The following PARD3 variants were observed in gnomAD, a reference collection of about 807,000 sequenced individuals.
PARD3 encodes the protein partitioning defective 3 homolog.
A neutral mutation model predicts 155.4 loss-of-function variants in PARD3; 75 were observed. The observed-to-expected ratio is 0.48, with a 90% CI of 0.40 to 0.58. The LOEUF (loss-of-function observed/expected upper bound fraction) is 0.58. PARD3 is among the 20% of genes least tolerant of loss of function. The pLI, the probability that PARD3 is intolerant of heterozygous loss-of-function variation, is 0.00. For missense variants in PARD3, 1,642 were observed against 1,721.7 expected (o/e 0.95, Z 0.82); for synonymous variants, 576 against 610.5 (o/e 0.94, Z 0.83).
intron 12 of PARD3, among the ~76,000 whole-genome samples, chr10:34,371,486 C>CAAAAAAAAAAAAAAAAAA (rs968034029): frequency 4.4e-5 from 1 of 22,752 alleles, no homozygotes; most frequent in Non-Finnish European, 8.5e-5. Context: ...ATTCTAGACT[C>CAAAAAAAAAAAAAAAAAA]AAAAAAAAAA....
chr10:34,785,735 A>G (rs866791680), intron 1 of PARD3, among the ~76,000 whole-genome samples: 22 of 152,320 alleles, frequency 1.4e-4, no homozygotes, highest in Non-Finnish European at 2.8e-4. Flanking sequence ...GGACAGGCTC[A>G]TGTGAAGGTC....
At chr10:34,166,891 T>C (rs1052743668) in intron 22 of PARD3, among the ~76,000 whole-genome samples, 3 of 152,230 alleles carry the variant, frequency 2.0e-5, no homozygotes, top group Non-Finnish European at 2.9e-5. Context: ...TGATTCAGCA[T>C]CAACATGCCA....
At chr10:34,725,506 T>G (rs10508811) in intron 1 of PARD3, among the ~76,000 whole-genome samples, 35,316 of 152,126 alleles carry the variant, frequency 0.23, 5,351 homozygotes, top group East Asian at 0.5. Context: ...CAGTCACTGC[T>G]AAGTATTCGT....
At chr10:34,769,648 C>T (rs9417141) in intron 1 of PARD3, among the ~76,000 whole-genome samples, 39,122 of 151,512 alleles carry the variant, frequency 0.26, 5,478 homozygotes, top group East Asian at 0.54. Flanking sequence ...GTCACAGCTA[C>T]TCAGGAGGCT....
At chr10:34,633,602 T>C (rs962368279) in intron 2 of PARD3, among the ~76,000 whole-genome samples, 5 of 152,212 alleles carry the variant, frequency 3.3e-5, no homozygotes, top group African/African-American at 1.2e-4. Context: ...GCTGGTGCCG[T>C]ATCTTAGCTA....
At chr10:34,697,039 C>CAA (rs2094187184) in intron 1 of PARD3, among the ~76,000 whole-genome samples, 2 of 149,934 alleles carry the variant, frequency 1.3e-5, no homozygotes, top group Admixed American at 6.6e-5. Flanking sequence ...TGCGTAAACA[C>CAA]ACACACACAC....
intron 22 of PARD3, among the ~76,000 whole-genome samples, chr10:34,169,029 C>T (rs1949666763): frequency 6.6e-6 from 1 of 152,188 alleles, no homozygotes; most frequent in African/African-American, 2.4e-5. Flanking sequence ...TGCTTTTGCA[C>T]ATTAGATTTT....
chr10:34,637,029 CAT>C (rs2092502261), intron 2 of PARD3, among the ~76,000 whole-genome samples: 1 of 152,176 alleles, frequency 6.6e-6, no homozygotes, highest in Admixed American at 6.5e-5. Flanking sequence ...CTGCCTGAGA[CAT>C]GTTGCACAAC....
chr10:34,544,074 G>A (rs1041022744), intron 2 of PARD3, among the ~76,000 whole-genome samples: 1 of 152,112 alleles, frequency 6.6e-6, no homozygotes, highest in Non-Finnish European at 1.5e-5. Flanking sequence ...ACGTTAAAAG[G>A]AGCTCAGTTT....
At chr10:34,125,572 C>T (rs1163367009) in intron 23 of PARD3, among the ~76,000 whole-genome samples, 5 of 152,204 alleles carry the variant, frequency 3.3e-5, no homozygotes, top group African/African-American at 1.2e-4. Context: ...CACAGGGAGG[C>T]AATCTAGTGG....
intron 5 of PARD3, among the ~76,000 whole-genome samples, chr10:34,413,182 T>C (rs78487421): frequency 0.12 from 15,162 of 131,192 alleles, 831 homozygotes; most frequent in African/African-American, 0.18. Context: ...CACACACACA[T>C]ATATATAAGA....
At chr10:34,734,850 C>G (rs11009903) in intron 1 of PARD3, among the ~76,000 whole-genome samples, 35,426 of 151,566 alleles carry the variant, frequency 0.23, 5,375 homozygotes, top group East Asian at 0.53. Flanking sequence ...ATGTTAATAC[C>G]CAAAAGCCAG....
intron 22 of PARD3, among the ~76,000 whole-genome samples, chr10:34,207,039 A>C (rs1357716908): frequency 6.6e-6 from 1 of 152,182 alleles, no homozygotes; most frequent in African/African-American, 2.4e-5. Flanking sequence ...GCTTTAAGCC[A>C]CCATCTGCCA....
chr10:34,811,917 C>T (rs988810825), intron 1 of PARD3, among the ~76,000 whole-genome samples: 28 of 152,172 alleles, frequency 1.8e-4, no homozygotes, highest in African/African-American at 5.6e-4. Context: ...TGTCTAGCAC[C>T]GCACTGTCCT....
intron 22 of PARD3, among the ~76,000 whole-genome samples, chr10:34,159,395 T>C (rs1049305758): frequency 2.0e-5 from 3 of 152,192 alleles, no homozygotes; most frequent in African/African-American, 7.2e-5. Flanking sequence ...TCAGGCAGAT[T>C]TGCAAATAAC....
chr10:34,138,987 T>C (rs1948047324), intron 22 of PARD3, among the ~76,000 whole-genome samples: 1 of 152,064 alleles, frequency 6.6e-6, no homozygotes, highest in Non-Finnish European at 1.5e-5. Context: ...AAAAAGCTTT[T>C]TCCTATTGAT....
intron 2 of PARD3, among the ~76,000 whole-genome samples, chr10:34,624,739 C>T (rs2091893842): frequency 6.6e-6 from 1 of 152,260 alleles, no homozygotes; most frequent in Non-Finnish European, 1.5e-5. Context: ...CCAAGAAACC[C>T]CACAGTGCCA....
intron 24 of PARD3, 36 bp downstream of exon 24, chr10:34,119,576 CG>C (rs755134770): frequency 1.2e-5 from 19 of 1,568,080 alleles, no homozygotes; most frequent in South Asian, 1.1e-5. Flanking sequence ...CTTAAAGGGC[CG>C]GGGGGATCTG....
intron 4 of PARD3, among the ~76,000 whole-genome samples, chr10:34,457,453 T>C (rs556423657): frequency 3.9e-5 from 6 of 152,272 alleles, no homozygotes; most frequent in Non-Finnish European, 5.9e-5. Context: ...AGGAAGAAGC[T>C]AGACAACAGC....
Sources: allele counts gnomAD v4.1 joint callset (sites outside exome capture counted in the v4.1 genomes callset), GRCh38; gene constraint gnomAD v4.1.1; transcripts MANE v1.5; gene names NCBI Gene and HGNC (gene_info 2026-07-23, HGNC 2026-07-21).